The following ARFGEF1 variants were observed in gnomAD, a reference collection of about 807,000 sequenced individuals.
ARFGEF1 encodes brefeldin A-inhibited guanine nucleotide-exchange protein 1.
In ARFGEF1, 42 loss-of-function variants were observed where a neutral mutation model predicts 231.0. The ratio of observed to expected loss-of-function variants is 0.18; its 90% CI spans 0.14 to 0.24. ARFGEF1 has a LOEUF of 0.24. Among genes scored for constraint, ARFGEF1 ranks in the 10% least tolerant of loss-of-function variants. The pLI, the probability that ARFGEF1 is intolerant of heterozygous loss-of-function variation, is 1.00. For synonymous variants in ARFGEF1, 710 were observed against 732.3 expected (o/e 0.97, Z 0.49); for missense variants, 1,345 against 2,192.0 (o/e 0.61, Z 7.72).
At position 67,224,887 on chromosome 8, in the gene ARFGEF1, A is replaced by C. The variant is rs760780577; in HGVS notation, c.4208+16T>G. 6.6e-7 allele frequency: 1 copy of C among 1,505,512 alleles called. No individual in the cohort carries two copies. 93.3% of individuals were successfully genotyped at this position (1,505,512 alleles called of 1,614,324 possible). On this transcript the variant is annotated intron_variant, in intron 29 of 38. Coordinates refer to ENST00000262215, the MANE Select transcript of ARFGEF1 (RefSeq NM_006421.5). ...AAAATAAATCCAAAATTTTAATTAC[A>C]AATATAGATTGTTACCTGGTTCTTA...
chr8:67,335,296 G>A lies in ARFGEF1; in HGVS notation c.124+7868C>T, dbSNP rs927008849. Among the ~76,000 whole-genome samples the A allele has an allele frequency of 5.9e-5, 9 of 151,916 alleles. No homozygotes were observed. The East Asian group carries it at 1.4e-3, about 23-fold the overall frequency. On this transcript the variant is annotated intron_variant, in intron 1 of 38. Coordinates refer to ENST00000262215, the MANE Select transcript of ARFGEF1 (RefSeq NM_006421.5). ...AATTTTTTGTATTTTTAGTAGAGAC[G>A]GGGTTTCACTGTGTTAGCCAGGATG...
At chr8:67,190,791 C>G (rs941070523) in intron 5 of ARFGEF1, 2 of 1,482,798 alleles carry the variant, frequency 1.3e-6, no homozygotes, top group Non-Finnish European at 1.9e-6. Context: ...CCCTTTTCAA[C>G]TTAGAAGAAT....
At chr8:67,305,819 C>T (rs1212099214) in intron 1 of ARFGEF1, among the ~76,000 whole-genome samples, 3 of 152,196 alleles carry the variant, frequency 2.0e-5, no homozygotes, top group Non-Finnish European at 4.4e-5. Flanking sequence ...TGCCTGAAAC[C>T]TCAGATTAAA....
At chr8:67,320,866 C>T (rs1233974618) in intron 1 of ARFGEF1, among the ~76,000 whole-genome samples, 1 of 152,008 alleles carries the variant, frequency 6.6e-6, no homozygotes, top group Non-Finnish European at 1.5e-5. Context: ...GAGGCTGAGG[C>T]AGGAGAATTG....
chr8:67,192,988 T>A (rs753082497), downstream of ARFGEF1, among the ~76,000 whole-genome samples: 14 of 152,336 alleles, frequency 9.2e-5, no homozygotes, highest in Middle Eastern at 3.4e-3. Context: ...CAAATGTTAC[T>A]CCTTATCCTT....
chr8:67,206,511 C>A (rs1168343688), intron 34 of ARFGEF1, among the ~76,000 whole-genome samples: 1 of 151,876 alleles, frequency 6.6e-6, no homozygotes, highest in African/African-American at 2.4e-5. Context: ...CCCTCATCAG[C>A]TATACACAGT....
intron 38 of ARFGEF1, chr8:67,199,325 A>G: frequency 1.6e-5 from 7 of 431,798 alleles, no homozygotes; most frequent in South Asian, 1.1e-4. Context: ...ATTTGTCTGT[A>G]TATCTTTGAC....
rs116198849 is a variant in ARFGEF1 at position 67,180,377 on chromosome 8, T to A, written c.561-4805A>T. Among the ~76,000 whole-genome samples, 892 of 152,330 alleles carry A rather than the reference T, an allele frequency of 5.9e-3. 7 individuals carry two copies. The highest frequency in any genetic ancestry group is 0.02 in the African/African-American group (833 of 41,578). On this transcript the variant is annotated intron_variant, in intron 5 of 5. Coordinates refer to the ARFGEF1 transcript ENST00000518789. ...TGTATGATTCAATTTACATAACATT[T>A]TTGAAATTACAAAATTAAGAAATTG... is the stretch of plus-strand genomic sequence containing the variant.
chr8:67,319,266 A>T (rs1048361900), intron 1 of ARFGEF1, among the ~76,000 whole-genome samples: 3 of 152,164 alleles, frequency 2.0e-5, no homozygotes, highest in African/African-American at 7.2e-5. Context: ...TAGACAAAAC[A>T]ATTCTAATAA....
downstream of ARFGEF1, chr8:67,173,677 G>A (rs1830926556): frequency 1.3e-5 from 2 of 151,846 alleles, no homozygotes; most frequent in South Asian, 2.1e-4. Context: ...AAGATAAATT[G>A]TGTTATTTAT....
At position 67,198,422 on chromosome 8, in the gene ARFGEF1, T is replaced by C. The variant is rs928664417; in HGVS notation, c.*512A>G. On this transcript the variant is annotated 3_prime_UTR_variant, in exon 39 of 39. Coordinates refer to ENST00000262215, the MANE Select transcript of ARFGEF1 (RefSeq NM_006421.5). ...TCTCTGTACATTTTTCACAGGATGA[T>C]TACCAGTATCTCAGATAGCCTGAGT... 27 of 986,202 alleles carry C rather than the reference T, an allele frequency of 2.7e-5. No homozygotes were observed. The highest frequency in any genetic ancestry group is 3.3e-5 in the Non-Finnish European group (27 of 830,152). The allele number at this position is 986,202 out of a possible 1,614,324, so 61.1% of individuals were successfully genotyped here.
intron 1 of ARFGEF1, among the ~76,000 whole-genome samples, chr8:67,330,551 A>G (rs189191308): frequency 3.3e-4 from 51 of 152,336 alleles, no homozygotes; most frequent in African/African-American, 8.7e-4. Flanking sequence ...TTCTAGCAAG[A>G]TAACTATAGA....
At chr8:67,308,393 C>T (rs559540395) in intron 1 of ARFGEF1, among the ~76,000 whole-genome samples, 5 of 152,194 alleles carry the variant, frequency 3.3e-5, no homozygotes, top group Admixed American at 6.5e-5. Flanking sequence ...CCTAGAGGTA[C>T]AAAAGGATTG....
chr8:67,321,891 T>A (rs546716965), intron 1 of ARFGEF1, among the ~76,000 whole-genome samples: 4 of 152,204 alleles, frequency 2.6e-5, no homozygotes, highest in Non-Finnish European at 5.9e-5. Context: ...AGAGTGATCA[T>A]GACAAAGATA....
At chr8:67,194,517 C>T (rs926095648), downstream of ARFGEF1, among the ~76,000 whole-genome samples, 4 of 152,000 alleles carry the variant, frequency 2.6e-5, no homozygotes, top group Non-Finnish European at 4.4e-5. Context: ...ACCCAACAAA[C>T]TGAATTAATA....
intron 5 of ARFGEF1, among the ~76,000 whole-genome samples, chr8:67,179,247 AT>A (rs1188903674): frequency 2.0e-5 from 3 of 151,474 alleles, no homozygotes; most frequent in African/African-American, 4.9e-5. Context: ...CAATCTTAGC[AT>A]TTTTTTTCGT....
At chr8:67,257,688 AT>A (rs1840505772) in intron 17 of ARFGEF1, 43 bp downstream of exon 17, 1 of 1,407,672 alleles carries the variant, frequency 7.1e-7, no homozygotes, top group South Asian at 1.2e-5. Flanking sequence ...TAATGTACTT[AT>A]TTTGTACCGC....
intron 1 of ARFGEF1, among the ~76,000 whole-genome samples, chr8:67,338,325 T>G (rs1808443394): frequency 6.6e-6 from 1 of 152,170 alleles, no homozygotes; most frequent in African/African-American, 2.4e-5. Flanking sequence ...TAGTTAGGGT[T>G]ATTGTACTTG....
At chr8:67,258,329 CTTT>C (rs113171041) in intron 15 of ARFGEF1, 39 bp from the exon 16 acceptor site, 785 of 1,120,846 alleles carry the variant, frequency 7.0e-4, no homozygotes, top group Middle Eastern at 1.1e-3. Flanking sequence ...TATTTTCTTT[CTTT>C]TTTTTTTTTT....
Sources: allele counts gnomAD v4.1 joint callset (sites outside exome capture counted in the v4.1 genomes callset), GRCh38; gene constraint gnomAD v4.1.1; transcripts MANE v1.5; gene names NCBI Gene and HGNC (gene_info 2026-07-23, HGNC 2026-07-21).